CLDN16: variants seen among roughly 807,000 people sequenced by gnomAD.
CLDN16 encodes the protein claudin-16.
CLDN16 carries 13 observed loss-of-function variants against 24.6 expected under a neutral mutation model. The ratio of observed to expected loss-of-function variants is 0.53; its 90% CI spans 0.34 to 0.84. The LOEUF (loss-of-function observed/expected upper bound fraction) is 0.84, where lower values mean the gene tolerates loss of function less well. CLDN16 is among the 40% of genes least tolerant of loss of function. The pLI is 0.01. For missense variants in CLDN16, 298 were observed against 292.7 expected, an observed-to-expected ratio of 1.02 and a Z score of -0.13; for synonymous variants, 116 against 106.7, an observed-to-expected ratio of 1.09 and a Z score of -0.54.
the CLDN16 span, among the ~76,000 whole-genome samples, chr3:190,293,889 A>G: frequency 6.6e-6 from 1 of 152,202 alleles, no homozygotes; most frequent in African/African-American, 2.4e-5. Context: ...AATGGGATCA[A>G]TAATTTGGTT....
the CLDN16 span, among the ~76,000 whole-genome samples, chr3:190,309,285 G>A: frequency 2.0e-5 from 3 of 152,242 alleles, no homozygotes; most frequent in South Asian, 4.1e-4. Context: ...TTATTACCTT[G>A]GCGAAATTTT....
chr3:190,410,307 G>A lies in CLDN16; in HGVS notation c.*271G>A. ...CTAGGATGTAGAAATATTTGTTTGT[G>A]ATTTCTATATAGCTATTAGAGATTA... On this transcript the variant is annotated 3_prime_UTR_variant, in exon 5 of 5. Coordinates refer to ENST00000264734, the MANE Select transcript of CLDN16 (RefSeq NM_006580.4). 2.3e-6 allele frequency: 1 copy of A among 431,762 alleles called. No homozygotes were observed. 26.7% of individuals were successfully genotyped at this position (431,762 alleles called of 1,614,324 possible).
At position 190,409,686 on chromosome 3, in the gene CLDN16, AT is replaced by A. The variant is rs562140285; in HGVS notation, c.575-216del. 4.4e-3 allele frequency among the ~76,000 whole-genome samples: 677 copies of A among 152,226 alleles called. 5 individuals are homozygous for A. Among genetic ancestry groups the A allele is most frequent in the Non-Finnish European group, 7.5e-3 (509 of 68,008 alleles). ...ACCTCTCCTGATGAAGAAAAAAAAA[AT>A]AACAGGAAATCTACTTGGCTGAATT... On this transcript the variant is annotated intron_variant, in intron 4 of 4. Transcript: ENST00000264734.
At chr3:190,404,595 T>C (rs1719042381) in intron 2 of CLDN16, among the ~76,000 whole-genome samples, 167 bp from the exon 3 acceptor site, 1 of 152,188 alleles carries the variant, frequency 6.6e-6, no homozygotes, top group African/African-American at 2.4e-5. Flanking sequence ...ATTTTTTAGT[T>C]TTATGAAAAC....
rs1719246844 is a variant in CLDN16 at position 190,410,392 on chromosome 3, A to G, written c.*356A>G. 1 of 189,772 alleles carries G rather than the reference A, an allele frequency of 5.3e-6. No homozygotes were observed. 11.8% of individuals were successfully genotyped at this position (189,772 alleles called of 1,614,324 possible). A position where few individuals can be genotyped will look rare whatever the true frequency, so the allele number is the denominator to read the frequency against. Reference sequence around the variant, plus strand: ...ACAGAAAGCAATTTCCAAAGAGGCCAGGGACCCTAATCTTTGAAGAGATGA... The same window carrying G: ...ACAGAAAGCAATTTCCAAAGAGGCCGGGGACCCTAATCTTTGAAGAGATGA... On this transcript the variant is annotated 3_prime_UTR_variant, in exon 5 of 5. Transcript: ENST00000264734.
intron 1 of CLDN16, among the ~76,000 whole-genome samples, chr3:190,355,148 T>C (rs1210893578): frequency 6.6e-6 from 1 of 152,030 alleles, no homozygotes; most frequent in African/African-American, 2.4e-5. Flanking sequence ...CAAAACCTCC[T>C]GGTAATCTGG....
chr3:190,340,166 A>G (rs1717395665), intron 1 of CLDN16, among the ~76,000 whole-genome samples: 1 of 152,208 alleles, frequency 6.6e-6, no homozygotes, highest in Non-Finnish European at 1.5e-5. Context: ...AAGTTCCTCA[A>G]TGTAATAAGG....
upstream of CLDN16, chr3:190,321,965 G>T: frequency 6.2e-7 from 1 of 1,609,728 alleles, no homozygotes; most frequent in African/African-American, 1.3e-5. Flanking sequence ...CGGCCGCTGT[G>T]AGGTGGGGGT....
chr3:190,360,386 G>A (rs1288162083), intron 1 of CLDN16, among the ~76,000 whole-genome samples: 1 of 151,832 alleles, frequency 6.6e-6, no homozygotes, highest in Non-Finnish European at 1.5e-5. Context: ...TCAAGGTTTG[G>A]GTTTTAGAAA....
intron 1 of CLDN16, among the ~76,000 whole-genome samples, chr3:190,365,566 G>A (rs1718003311): frequency 6.8e-6 from 1 of 148,102 alleles, no homozygotes; most frequent in Non-Finnish European, 1.5e-5. Context: ...AAACTTCCAA[G>A]AACCAGCCTC....
intron 1 of CLDN16, among the ~76,000 whole-genome samples, chr3:190,334,319 G>A (rs1158993131): frequency 6.6e-5 from 10 of 152,150 alleles, no homozygotes; most frequent in Admixed American, 3.3e-4. Flanking sequence ...TTGAGAAGTG[G>A]AAGGATAAGA....
upstream of CLDN16, chr3:190,322,190 AG>A (rs1327391158): frequency 9.3e-6 from 15 of 1,613,808 alleles, no homozygotes; most frequent in Non-Finnish European, 1.3e-5. Context: ...CAACAGCTGC[AG>A]CCCCGCGTTG....
chr3:190,350,399 TATC>T (rs1717647086), intron 1 of CLDN16, among the ~76,000 whole-genome samples: 1 of 150,702 alleles, frequency 6.6e-6, no homozygotes, highest in African/African-American at 2.4e-5. Context: ...TATTGTTACT[TATC>T]ATATTAAAGA....
chr3:190,352,602 C>G lies in CLDN16; in HGVS notation n.122-18291C>G, dbSNP rs114198714. Among the ~76,000 whole-genome samples the G allele has an allele frequency of 8.2e-3, 1,250 of 152,174 alleles. 11 individuals carry two copies. Among genetic ancestry groups the G allele is most frequent in the African/African-American group, 0.029 (1,205 of 41,532 alleles). ...TTAGAAATCAAAGTAGCTATGGTTG[C>G]GAAAAGTCGCACAGAAAACTGCTGT... On this transcript the variant is annotated intron_variant and non_coding_transcript_variant, in intron 1 of 4. Transcript: ENST00000468220.
intron 3 of CLDN16, among the ~76,000 whole-genome samples, chr3:190,374,812 A>C (rs541624722): frequency 6.6e-6 from 1 of 152,028 alleles, no homozygotes; most frequent in Non-Finnish European, 1.5e-5. Flanking sequence ...TATTTCAAAA[A>C]TTCTACATGT....
At chr3:190,385,812 G>A (rs1718484418), upstream of CLDN16, among the ~76,000 whole-genome samples, 1 of 152,040 alleles carries the variant, frequency 6.6e-6, no homozygotes, top group African/African-American at 2.4e-5. Flanking sequence ...TTAAAAAATT[G>A]TTTTTCTTTT....
In CLDN16 at chr3:190,404,940, T is replaced by C. The variant is rs749918199; in HGVS notation, c.382+14T>C. 3 of 1,613,652 alleles carry C rather than the reference T, an allele frequency of 1.9e-6. No individual in the cohort carries two copies. The highest frequency in any genetic ancestry group is 1.7e-5 in the Admixed American group (1 of 60,006). On this transcript the variant is annotated intron_variant, in intron 3 of 4. Transcript: ENST00000264734. ...TACTAATAGCAGGTACCGGTCTGGCTGGACTAGCAACAGGGGTAGGGAGAC... is the reference window on the plus strand; with the variant it reads ...TACTAATAGCAGGTACCGGTCTGGCCGGACTAGCAACAGGGGTAGGGAGAC...
chr3:190,370,807 G>C (rs913130072), intron 1 of CLDN16: 1 of 151,778 alleles, frequency 6.6e-6, no homozygotes, highest in Non-Finnish European at 1.5e-5. Flanking sequence ...TCAGCTGCCA[G>C]TGTGGCCAGA....
intron 1 of CLDN16, among the ~76,000 whole-genome samples, chr3:190,394,532 AT>A (rs1298540810): frequency 6.6e-6 from 1 of 152,162 alleles, no homozygotes; most frequent in African/African-American, 2.4e-5. Flanking sequence ...GATTATATCC[AT>A]TTTTAAACTT....
Sources: allele counts gnomAD v4.1 joint callset (sites outside exome capture counted in the v4.1 genomes callset), GRCh38; gene constraint gnomAD v4.1.1; transcripts MANE v1.5; gene names NCBI Gene and HGNC (gene_info 2026-07-23, HGNC 2026-07-21).